Variants in OTOP3 observed in about 807,000 individuals in gnomAD.
The protein encoded by OTOP3 is proton channel OTOP3.
OTOP3 carries 41 observed loss-of-function variants against 50.8 expected under a neutral mutation model. The observed-to-expected ratio is 0.81, with a 90% CI of 0.63 to 1.05. The LOEUF (loss-of-function observed/expected upper bound fraction) is 1.05. OTOP3 is among the 50% of genes least tolerant of loss of function. OTOP3 has a pLI of 0.00. For synonymous variants in OTOP3, 320 were observed against 324.4 expected (o/e 0.99, Z 0.14); for missense variants, 788 against 760.8 (o/e 1.04, Z -0.42).
At chr17:74,945,509 A>T (rs2039217307) in intron 5 of OTOP3, among the ~76,000 whole-genome samples, 1 of 152,186 alleles carries the variant, frequency 6.6e-6, no homozygotes, top group Non-Finnish European at 1.5e-5. Flanking sequence ...TTTAACTCAC[A>T]TCCCTCTCCC....
chr17:74,941,592 G>C lies in OTOP3; in HGVS notation c.219G>C (p.Ser73=). Residue 73 remains serine (S), a synonymous_variant, in exon 2 of 7, where the codon TCG becomes TCC. Transcript: ENST00000328801. ...RQAQKAGQLF[S]GLLALNVVFL... ...CCCAGAAGGCTGGACAACTCTTCTC[G>C]GGGCTCCTGGCCCTGAATGTGGTGT... 1 of 1,612,600 alleles carries C rather than the reference G, an allele frequency of 6.2e-7. No homozygotes were observed. The highest frequency in any genetic ancestry group is 1.3e-5 in the African/African-American group (1 of 75,016).
At chr17:74,946,552 C>G (rs1024821068) in intron 5 of OTOP3, 109 bp from the exon 6 acceptor site, 22 of 925,930 alleles carry the variant, frequency 2.4e-5, no homozygotes, top group Middle Eastern at 3.0e-4. Flanking sequence ...GCGGCTGGGT[C>G]GCTTTCAGCT....
At position 74,941,546 on chromosome 17, in the gene OTOP3, T is replaced by G; in HGVS notation, c.173T>G (p.Leu58Arg). ...KSWLVRHFSL[L>R]LRRDRQAQKA... ...TGGCTGGTGAGGCATTTCTCTCTGC[T>G]GCTGCGGCGGGACCGGCAGGCCCAG... is the stretch of plus-strand genomic sequence containing the variant. The change falls in exon 2 of 7, where the codon CTG becomes CGG. Residue 58 changes from leucine to arginine, a missense_variant. Transcript: ENST00000328801. 1.9e-6 allele frequency: 3 copies of G among 1,613,852 alleles called. No individual in the cohort carries two copies. The highest frequency in any genetic ancestry group is 2.5e-6 in the Non-Finnish European group (3 of 1,179,812).
At chr17:74,940,931 A>G (rs1003717047) in intron 1 of OTOP3, among the ~76,000 whole-genome samples, 1 of 152,186 alleles carries the variant, frequency 6.6e-6, no homozygotes, top group African/African-American at 2.4e-5. Context: ...ATTTTAGGCA[A>G]TCATTTCCCA....
At position 74,942,411 on chromosome 17, in the gene OTOP3, A is replaced by C. The variant is rs1221674895; in HGVS notation, c.573+374A>C. Among the ~76,000 whole-genome samples, 3 of 152,148 alleles carry C rather than the reference A, an allele frequency of 2.0e-5. No homozygotes were observed. In the East Asian group the frequency reaches 5.8e-4, roughly 29 times the overall value. ...TTTGGGAGGCCGAGGCAGGCAGATCACCTGAGGTCAGGAGTTTGAAACCAG... is the reference window on the plus strand; with the variant it reads ...TTTGGGAGGCCGAGGCAGGCAGATCCCCTGAGGTCAGGAGTTTGAAACCAG... On this transcript the variant is annotated intron_variant, in intron 3 of 6. Transcript: ENST00000328801.
At chr17:74,945,494 C>T (rs935296189) in intron 5 of OTOP3, among the ~76,000 whole-genome samples, 4 of 152,218 alleles carry the variant, frequency 2.6e-5, no homozygotes, top group Non-Finnish European at 5.9e-5. Flanking sequence ...TTCCTCCTGG[C>T]AGTGTTTAAC....
chr17:74,942,684 C>A (rs1335342394), intron 3 of OTOP3, among the ~76,000 whole-genome samples: 1 of 151,878 alleles, frequency 6.6e-6, no homozygotes, highest in African/African-American at 2.4e-5. Context: ...GTAATCCCAG[C>A]ACTTTGGGAG....
intron 5 of OTOP3, 60 bp downstream of exon 5, chr17:74,943,784 A>G: frequency 1.6e-6 from 2 of 1,282,194 alleles, no homozygotes; most frequent in Non-Finnish European, 1.1e-6. Context: ...ACACACACAC[A>G]CACACACACA....
In OTOP3 at chr17:74,943,627, G is replaced by C. The variant is rs1449752357; in HGVS notation, c.654G>C (p.Leu218=). 3 of 1,613,682 alleles carry C rather than the reference G, an allele frequency of 1.9e-6. No individual in the cohort carries two copies. The highest frequency in any genetic ancestry group is 2.5e-6 in the Non-Finnish European group (3 of 1,179,962). The part of the protein sequence containing the change: ...NFTRCGLMLT[L]ATNLLLWVLA... ...CCAGGTGTGGCCTGATGCTGACCCT[G>C]GCCACAAACCTGCTGCTGTGGGTTC... is the stretch of plus-strand genomic sequence containing the variant. The change falls in exon 5 of 7, where the codon CTG becomes CTC. Residue 218 remains leucine, a synonymous_variant. Transcript: ENST00000328801.
At chr17:74,938,583 G>A (rs1009929052) in intron 1 of OTOP3, among the ~76,000 whole-genome samples, 2 of 152,146 alleles carry the variant, frequency 1.3e-5, no homozygotes, top group African/African-American at 2.4e-5. Context: ...TATAGCCCAA[G>A]GAGAGGGGAG....
intron 5 of OTOP3, among the ~76,000 whole-genome samples, chr17:74,944,576 G>A (rs957741586): frequency 2.0e-5 from 3 of 152,170 alleles, no homozygotes; most frequent in African/African-American, 7.2e-5. Context: ...AGCGAACATG[G>A]CGAAACCCCG....
Position 74,941,780 on chromosome 17 carries a change from A to T in OTOP3, c.407A>T (p.Asp136Val). 6.2e-7 allele frequency: 1 copy of T among 1,612,128 alleles called. No individual in the cohort carries two copies. Residue 136 changes from aspartate to valine, a missense_variant, in exon 2 of 7, where the codon GAT becomes GTT. Coordinates refer to ENST00000328801, the MANE Select transcript of OTOP3 (RefSeq NM_001272005.2). Reference protein sequence around the residue: ...TRRPHAVLYQDPHAGPLWVRG... With the variant: ...TRRPHAVLYQVPHAGPLWVRG... Reference sequence around the variant, plus strand: ...CGACCACACGCCGTGCTCTACCAAGATCCCCACGCGGGGCCCCTCTGGGTG... The same window carrying T: ...CGACCACACGCCGTGCTCTACCAAGTTCCCCACGCGGGGCCCCTCTGGGTG...
rs780084848 is a variant in OTOP3, at chr17:74,941,954, G to T, written c.490G>T (p.Gly164Cys). ...CTFCLNIFRV[G>C]YDVSHIRCKS... ...CTTCTGCCTCAACATCTTCCGAGTG[G>T]GCTACGATGTGAGCCACATCCGCTG... The change falls in exon 3 of 7, where the codon GGC becomes TGC. Residue 164 changes from glycine (G) to cysteine (C), a missense_variant. Coordinates refer to ENST00000328801, the MANE Select transcript of OTOP3 (RefSeq NM_001272005.2). 1 of 1,613,410 alleles carries T rather than the reference G, an allele frequency of 6.2e-7. No homozygotes were observed. The highest frequency in any genetic ancestry group is 8.5e-7 in the Non-Finnish European group (1 of 1,179,664).
At position 74,949,392 on chromosome 17, in the gene OTOP3, G is replaced by C. The variant is rs377010211; in HGVS notation, c.1713G>C (p.Leu571=). ...ACCGCATGCACTCTGTGGGAGGCCTGGTGGAGGTCTACCTGGGGGCCTGAG... is the reference window on the plus strand; with the variant it reads ...ACCGCATGCACTCTGTGGGAGGCCTCGTGGAGGTCTACCTGGGGGCCTGAG... ...VFYRMHSVGG[L]VEVYLGA is the part of the protein sequence containing the mutation. The change falls in exon 7 of 7, where the codon CTG becomes CTC. Residue 571 remains leucine (L), a synonymous_variant. Transcript: ENST00000328801. 41 of 1,613,024 alleles carry C rather than the reference G, an allele frequency of 2.5e-5. No individual in the cohort carries two copies. Among genetic ancestry groups the C allele is most frequent in the Non-Finnish European group, 3.5e-5 (41 of 1,179,830 alleles).
chr17:74,941,409 ACCCATGCCTTCTT>A lies in OTOP3; in HGVS notation c.38_50del (p.Pro13GlnfsTer36). The A allele has an allele frequency of 5.9e-6, 9 of 1,537,332 alleles. No individual in the cohort carries two copies. Among genetic ancestry groups the A allele is most frequent in the Non-Finnish European group, 7.0e-6 (8 of 1,141,598 alleles). On this transcript the variant is annotated frameshift_variant, in exon 2 of 7. Transcript: ENST00000328801. LOFTEE classifies it high-confidence loss of function. ...CATCTCCAGCCCCTGCTGAGGCTAC[ACCCATGCCTTCTT>A]CAGAAGCACAGGAGACTGAAGCAGC...
At chr17:74,939,540 G>T (rs144842505) in intron 1 of OTOP3, among the ~76,000 whole-genome samples, 56 of 152,268 alleles carry the variant, frequency 3.7e-4, no homozygotes, top group African/African-American at 1.1e-3. Context: ...GGAAGAAGGA[G>T]TGTCCGGTGG....
chr17:74,942,505 C>T (rs578077884), intron 3 of OTOP3, among the ~76,000 whole-genome samples: 1 of 152,224 alleles, frequency 6.6e-6, no homozygotes, highest in Non-Finnish European at 1.5e-5. Flanking sequence ...GTGGCGCACG[C>T]CTGTAGTCCC....
chr17:74,947,583 G>C, intron 6 of OTOP3, 108 bp downstream of exon 6: 1 of 1,111,242 alleles, frequency 9.0e-7, no homozygotes, highest in Non-Finnish European at 1.2e-6. Context: ...CAACTAGCTT[G>C]ATGCTGCTTG....
chr17:74,940,014 T>C (rs1254024317), intron 1 of OTOP3, among the ~76,000 whole-genome samples: 2 of 151,612 alleles, frequency 1.3e-5, no homozygotes. Context: ...GCTCAAGCCA[T>C]CCTCCTGCCT....
Sources: gnomAD v4.1 joint callset for allele counts (sites outside exome capture counted in the v4.1 genomes callset) on GRCh38, gnomAD v4.1.1 for gene constraint, MANE v1.5 for transcripts, NCBI Gene and HGNC (gene_info 2026-07-23, HGNC 2026-07-21) for gene names.